The following STK10 variants were observed in gnomAD, a reference collection of about 807,000 sequenced individuals.
STK10 encodes serine/threonine kinase 10, also known as serine/threonine-protein kinase 10.
In STK10, 78 loss-of-function variants were observed where a neutral mutation model predicts 113.8. That is an observed-to-expected ratio of 0.69 (90% CI 0.57 to 0.83). The LOEUF (loss-of-function observed/expected upper bound fraction) is 0.83. Ranked by LOEUF, STK10 falls within the 40% of genes least tolerant of loss-of-function variation. The pLI, the probability that STK10 is intolerant of heterozygous loss-of-function variation, is 0.00. For synonymous variants in STK10, 465 were observed against 494.7 expected (o/e 0.94, Z 0.80); for missense variants, 1,109 against 1,280.1 (o/e 0.87, Z 2.04).
At chr5:172,056,358 C>T (rs1211126409) in intron 15 of STK10, among the ~76,000 whole-genome samples, 1 of 152,186 alleles carries the variant, frequency 6.6e-6, no homozygotes, top group Non-Finnish European at 1.5e-5. Flanking sequence ...ACTATGGAGG[C>T]TGAACTGAGA....
At chr5:172,047,679 TA>T (rs1414572926) in intron 18 of STK10, among the ~76,000 whole-genome samples, 2 of 152,016 alleles carry the variant, frequency 1.3e-5, no homozygotes, top group Non-Finnish European at 1.5e-5. Context: ...AGACCACAGT[TA>T]CAGTAAGCAG....
Position 172,057,457 on chromosome 5 carries a change from C to G in STK10, c.2229G>C (p.Leu743=). The G allele has an allele frequency of 1.3e-6, 2 of 1,550,444 alleles. No individual in the cohort carries two copies. The highest frequency in any genetic ancestry group is 1.7e-6 in the Non-Finnish European group (2 of 1,147,210). Residue 743 remains leucine (L), a synonymous_variant, in exon 15 of 19, where the codon CTG becomes CTC. Coordinates refer to ENST00000176763, the MANE Select transcript of STK10 (RefSeq NM_005990.4). ...GCAGCTGGTGCTCTTCCATCTCCCA[C>G]AGGGCTGCTTCCCGGTCTGCAGAGG... ...QELLRDREAA[L]WEMEEHQLQE...
intron 2 of STK10, among the ~76,000 whole-genome samples, chr5:172,135,424 A>C (rs1769833446): frequency 6.6e-6 from 1 of 152,074 alleles, no homozygotes; most frequent in Non-Finnish European, 1.5e-5. Flanking sequence ...AGACAAAAGA[A>C]TCATTTGAAC....
chr5:172,122,702 C>A (rs1211931688), intron 3 of STK10, among the ~76,000 whole-genome samples: 3 of 152,328 alleles, frequency 2.0e-5, no homozygotes, highest in Non-Finnish European at 2.9e-5. Flanking sequence ...AGGCTCACTG[C>A]AAGCTCCGCC....
At chr5:172,064,534 G>T in intron 13 of STK10, 186 bp downstream of exon 13, 1 of 624,600 alleles carries the variant, frequency 1.6e-6, no homozygotes, top group Non-Finnish European at 2.8e-6. Context: ...CCAGATGGAG[G>T]CAGGGCAATC....
chr5:172,058,213 G>A (rs896890321), intron 14 of STK10, among the ~76,000 whole-genome samples: 2 of 152,092 alleles, frequency 1.3e-5, no homozygotes, highest in African/African-American at 4.8e-5. Context: ...CGTGCAAAAT[G>A]GTATCTGCTT....
intron 4 of STK10, among the ~76,000 whole-genome samples, chr5:172,108,511 G>A (rs907115965): frequency 1.3e-5 from 2 of 151,936 alleles, no homozygotes; most frequent in African/African-American, 4.8e-5. Flanking sequence ...AGATACTTGG[G>A]GGGCTGAGGC....
At chr5:172,069,740 T>C (rs1437182505) in intron 12 of STK10, among the ~76,000 whole-genome samples, 2 of 152,174 alleles carry the variant, frequency 1.3e-5, no homozygotes, top group Non-Finnish European at 2.9e-5. Flanking sequence ...CCTTTCTCAG[T>C]AGCCAGTAGA....
In STK10 at chr5:172,096,534, A is replaced by G. The variant is rs1169777022; in HGVS notation, c.897T>C (p.Ser299=). The G allele has an allele frequency of 6.2e-7, 1 of 1,613,500 alleles. No homozygotes were observed. Among genetic ancestry groups the G allele is most frequent in the Non-Finnish European group, 8.5e-7 (1 of 1,180,026 alleles). ...LEHPFVSSIT[S]NKALRELVAE... is the part of the protein sequence containing the mutation. Reference sequence around the variant, plus strand: ...CCACCAGCTCCCGCAGAGCCTTGTTACTGGTGATGCTGCTGACGAAGGGAT... The same window carrying G: ...CCACCAGCTCCCGCAGAGCCTTGTTGCTGGTGATGCTGCTGACGAAGGGAT... The change falls in exon 8 of 19, where the codon AGT becomes AGC. Residue 299 remains serine, a synonymous_variant. Coordinates refer to ENST00000176763, the MANE Select transcript of STK10 (RefSeq NM_005990.4).
chr5:172,103,626 A>G (rs1430116265), intron 7 of STK10, among the ~76,000 whole-genome samples: 1 of 152,182 alleles, frequency 6.6e-6, no homozygotes, highest in Non-Finnish European at 1.5e-5. Flanking sequence ...AACAATACCC[A>G]GAAAATGAGG....
At chr5:172,178,851 C>T (rs1015495086) in intron 1 of STK10, among the ~76,000 whole-genome samples, 5 of 152,206 alleles carry the variant, frequency 3.3e-5, no homozygotes, top group African/African-American at 1.2e-4. Flanking sequence ...GCCTCCCTCC[C>T]CCATGGAGCA....
chr5:172,150,047 C>CAA (rs35745235), intron 2 of STK10, among the ~76,000 whole-genome samples: 3,510 of 86,960 alleles, frequency 0.04, 224 homozygotes, highest in African/African-American at 0.13. Context: ...AACTTTGTCT[C>CAA]AAAAAAAAAA....
intron 7 of STK10, among the ~76,000 whole-genome samples, chr5:172,102,352 G>A (rs915800182): frequency 1.3e-5 from 2 of 152,274 alleles, no homozygotes; most frequent in African/African-American, 2.4e-5. Context: ...AGCTGCCATC[G>A]GCCGAGATGG....
chr5:172,151,938 A>G (rs772233731), intron 2 of STK10, among the ~76,000 whole-genome samples: 1 of 152,200 alleles, frequency 6.6e-6, no homozygotes, highest in East Asian at 1.9e-4. Context: ...GGGCCTGTGC[A>G]CTTCTGATTC....
At chr5:172,172,224 C>T (rs1442470162) in intron 1 of STK10, among the ~76,000 whole-genome samples, 2 of 152,124 alleles carry the variant, frequency 1.3e-5, no homozygotes, top group Admixed American at 6.6e-5. Context: ...CACAGCCCTT[C>T]GGAGCACAAA....
intron 2 of STK10, among the ~76,000 whole-genome samples, chr5:172,145,151 T>C (rs1003189472): frequency 1.3e-5 from 2 of 152,146 alleles, no homozygotes; most frequent in Admixed American, 1.3e-4. Flanking sequence ...TGCAGGGACA[T>C]TTTTCATCCA....
At chr5:172,185,698 CTCTG>C (rs1434383171) in intron 1 of STK10, among the ~76,000 whole-genome samples, 1 of 152,236 alleles carries the variant, frequency 6.6e-6, no homozygotes, top group Admixed American at 6.5e-5. Context: ...CAGGAGCAGG[CTCTG>C]TCTAAGGCAG....
chr5:172,072,055 T>C lies in STK10; in HGVS notation c.1990-7243A>G, dbSNP rs562211664. 2.0e-5 allele frequency among the ~76,000 whole-genome samples: 3 copies of C among 152,210 alleles called. No individual in the cohort carries two copies. In the South Asian group the frequency reaches 6.2e-4, roughly 32 times the overall value. The stretch of plus-strand genomic sequence containing the variant: ...CCAGTAATATATAAAAAGGAAAATA[T>C]ACAATAACCAAGTGGTTCTTACCCC... On this transcript the variant is annotated intron_variant, in intron 12 of 18. Coordinates refer to ENST00000176763, the MANE Select transcript of STK10 (RefSeq NM_005990.4).
At chr5:172,166,089 G>A (rs900100208) in intron 1 of STK10, among the ~76,000 whole-genome samples, 11 of 152,208 alleles carry the variant, frequency 7.2e-5, no homozygotes, top group African/African-American at 2.2e-4. Flanking sequence ...CACTGCGCTC[G>A]GCCAGTTGTT....
Sources: gnomAD v4.1 joint callset for allele counts (sites outside exome capture counted in the v4.1 genomes callset) on GRCh38, gnomAD v4.1.1 for gene constraint, MANE v1.5 for transcripts, NCBI Gene and HGNC (gene_info 2026-07-23, HGNC 2026-07-21) for gene names.